The following DSG4 variants were observed in gnomAD, a reference collection of about 807,000 sequenced individuals.
The protein encoded by DSG4 is desmoglein-4.
Under a neutral mutation model 93.1 loss-of-function variants are expected in DSG4, and 87 were observed. That is an observed-to-expected ratio of 0.93 (90% CI 0.79 to 1.12). The LOEUF is 1.12. Ranked by LOEUF, DSG4 falls within the 50% of genes most tolerant of loss-of-function variation. DSG4 has a pLI of 0.00. For missense variants in DSG4, 1,373 were observed against 1,285.7 expected (o/e 1.07, Z -1.04); for synonymous variants, 432 against 452.9 (o/e 0.95, Z 0.59).
rs2072535547 is a variant in DSG4 at position 31,414,503 on chromosome 18, AT to A, written c.*911del. The A allele has an allele frequency of 6.6e-6, 1 of 152,228 alleles. No homozygotes were observed. Among genetic ancestry groups the A allele is most frequent in the Non-Finnish European group, 1.5e-5 (1 of 68,040 alleles). The allele number at this position is 152,228 out of a possible 1,614,324, so 9.4% of individuals were successfully genotyped here. On this transcript the variant is annotated 3_prime_UTR_variant, in exon 16 of 16. Transcript: ENST00000308128. ...TGTAGTTATTCATATATTCTACAAT[AT>A]TTACTTAGAAGCAACTAGGTGTTGG... is the stretch of plus-strand genomic sequence containing the variant.
chr18:31,385,075 T>C, intron 1 of DSG4, 61 bp from the exon 2 acceptor site: 5 of 1,349,194 alleles, frequency 3.7e-6, no homozygotes, highest in African/African-American at 1.4e-5. Flanking sequence ...AATGTTTTTA[T>C]GACATGGCTT....
Position 31,390,822 on chromosome 18 carries a change from G to C in DSG4, c.684G>C (p.Glu228Asp). The change falls in exon 6 of 16, where the codon GAG (glutamate) becomes GAC (aspartate). Residue 228 changes from glutamate (E) to aspartate (D), a missense_variant and splice_region_variant. Physicochemically the swap from Glu to Asp is conservative, Grantham distance 45 (BLOSUM62 2). Coordinates refer to ENST00000308128, the MANE Select transcript of DSG4 (RefSeq NM_177986.5). ...CCATGTCCAGTTTCTTGGACAGAGA[G>C]GTAAAGCCTTCTGTGAATGAACAAG... ...VCTMSSFLDR[E>D]QHSMYNLVVR... is the part of the protein sequence containing the mutation. 6.2e-7 allele frequency: 1 copy of C among 1,613,130 alleles called. No homozygotes were observed. The highest frequency in any genetic ancestry group is 8.5e-7 in the Non-Finnish European group (1 of 1,179,552).
chr18:31,413,247 T>C lies in DSG4; in HGVS notation c.2775T>C (p.Phe925=), dbSNP rs773803147. Residue 925 remains phenylalanine, a synonymous_variant, in exon 16 of 16, where the codon TTT becomes TTC. Transcript: ENST00000308128. ...GTGTGCAACCCACTACAATTATTTT[T>C]GATCCTCAGCTTGCACCCAATGTTG... ...DPCVQPTTII[F]DPQLAPNVVV... 5 of 1,614,198 alleles carry C rather than the reference T, an allele frequency of 3.1e-6. No homozygotes were observed. In the Admixed American group the frequency reaches 8.3e-5, roughly 27 times the overall value.
chr18:31,383,699 C>T (rs2072159257), intron 1 of DSG4, among the ~76,000 whole-genome samples: 1 of 152,214 alleles, frequency 6.6e-6, no homozygotes, highest in East Asian at 1.9e-4. Context: ...CAAGCTGGTT[C>T]TTCTCTCCCA....
chr18:31,411,298 C>T lies in DSG4; in HGVS notation c.2205C>T (p.Asn735=). 11 of 1,612,726 alleles carry T rather than the reference C, an allele frequency of 6.8e-6. No homozygotes were observed. The highest frequency in any genetic ancestry group is 9.3e-6 in the Non-Finnish European group (11 of 1,179,992). ...GAGGTGTATCGGGAGTGGAGCTCAA[C>T]ACAGGTATGGGGACAGCCGTTGGCC... ...VEGGVSGVEL[N]TGMGTAVGLM... The change falls in exon 15 of 16, where the codon AAC becomes AAT. Residue 735 remains asparagine, a synonymous_variant. Transcript: ENST00000308128.
At chr18:31,385,842 G>T (rs2072181289) in intron 2 of DSG4, among the ~76,000 whole-genome samples, 1 of 152,082 alleles carries the variant, frequency 6.6e-6, no homozygotes, top group Non-Finnish European at 1.5e-5. Flanking sequence ...CCCCAAAGTG[G>T]TAATTAAATG....
At position 31,396,389 on chromosome 18, in the gene DSG4, A is replaced by G. The variant is rs1165952640; in HGVS notation, c.1006-2883A>G. 1.2e-4 allele frequency among the ~76,000 whole-genome samples: 14 copies of G among 117,170 alleles called. No homozygotes were observed. In the Admixed American group the frequency reaches 1.5e-3, roughly 12 times the overall value. The allele number at this position is 117,170 out of a possible 152,430, so 76.9% of individuals were successfully genotyped here. A position where few individuals can be genotyped will look rare whatever the true frequency, so the allele number is the denominator to read the frequency against. On this transcript the variant is annotated intron_variant, in intron 8 of 15. Transcript: ENST00000308128. The stretch of plus-strand genomic sequence containing the variant: ...TTTTTTTTTTTTTTTTTTGAGACAG[A>G]GTCTCACTCTGTCACTCAGGCTGGA...
Position 31,399,332 on chromosome 18 carries a change from G to A in DSG4, c.1066G>A (p.Asp356Asn). 1 of 1,614,066 alleles carries A rather than the reference G, an allele frequency of 6.2e-7. No individual in the cohort carries two copies. The highest frequency in any genetic ancestry group is 8.5e-7 in the Non-Finnish European group (1 of 1,179,962). ...QLSIGVKNQA[D>N]FHYSVASQFQ... The stretch of plus-strand genomic sequence containing the variant: ...TAGTATCGGAGTTAAAAACCAAGCT[G>A]ATTTTCACTACTCCGTTGCTTCTCA... Residue 356 changes from aspartate to asparagine, a missense_variant, in exon 9 of 16, where the codon GAT (aspartate) becomes AAT (asparagine). Asp to Asn is a conservative substitution (Grantham distance 23, BLOSUM62 1). Coordinates refer to ENST00000308128, the MANE Select transcript of DSG4 (RefSeq NM_177986.5).
At chr18:31,386,844 CAA>C in intron 3 of DSG4, 25 bp downstream of exon 3, 1 of 1,612,498 alleles carries the variant, frequency 6.2e-7, no homozygotes, top group Admixed American at 1.7e-5. Context: ...AATCTGATGA[CAA>C]ATGCTTTTGC....
Position 31,414,435 on chromosome 18 carries a change from G to A in DSG4, c.*840G>A, listed in dbSNP as rs770059201. ...TTAACCAATTTCATTGACCTGAATC[G>A]TAGAGCTTTCAATTGGCAACCAGAT... On this transcript the variant is annotated 3_prime_UTR_variant, in exon 16 of 16. Transcript: ENST00000308128. 7.9e-5 allele frequency: 12 copies of A among 152,152 alleles called. No individual in the cohort carries two copies. Among genetic ancestry groups the A allele is most frequent in the South Asian group, 2.1e-4 (1 of 4,814 alleles). The allele number at this position is 152,152 out of a possible 1,614,324, so 9.4% of individuals were successfully genotyped here. A position where few individuals can be genotyped will look rare whatever the true frequency, so the allele number is the denominator to read the frequency against.
chr18:31,396,695 A>T (rs1011592196), intron 8 of DSG4, among the ~76,000 whole-genome samples: 1 of 152,140 alleles, frequency 6.6e-6, no homozygotes, highest in Non-Finnish European at 1.5e-5. Flanking sequence ...AAAATTGAAG[A>T]AGACAAATAG....
chr18:31,390,528 A>T, intron 5 of DSG4, 128 bp from the exon 6 acceptor site: 1 of 1,073,472 alleles, frequency 9.3e-7, no homozygotes, highest in South Asian at 1.3e-5. Flanking sequence ...ATGGTACTAT[A>T]TTCCCATGGA....
chr18:31,413,124 T>C lies in DSG4; in HGVS notation c.2652T>C (p.Thr884=), dbSNP rs201614404. The part of the protein sequence containing the change: ...NYFVNESSGL[T]PSEVEFQEEM... Reference sequence around the variant, plus strand: ...TTGTTAATGAATCTTCAGGATTGACTCCCTCAGAAGTTGAATTCCAAGAAG... The same window carrying C: ...TTGTTAATGAATCTTCAGGATTGACCCCCTCAGAAGTTGAATTCCAAGAAG... The change falls in exon 16 of 16, where the codon ACT becomes ACC. Residue 884 remains threonine, a synonymous_variant. Transcript: ENST00000308128. 1.2e-6 allele frequency: 2 copies of C among 1,614,128 alleles called. No homozygotes were observed. The highest frequency in any genetic ancestry group is 3.3e-5 in the Admixed American group (2 of 60,008).
At position 31,398,734 on chromosome 18, in the gene DSG4, A is replaced by C. The variant is rs199938325; in HGVS notation, c.1006-538A>C. On this transcript the variant is annotated intron_variant, in intron 8 of 15. Transcript: ENST00000308128. ...GCCCCATAAAGGAGTCTTCCTGTCC[A>C]CCAGACCCGGCGACTATAATCATCA... 6.6e-5 allele frequency among the ~76,000 whole-genome samples: 10 copies of C among 152,152 alleles called. No homozygotes were observed. The East Asian group carries it at 1.7e-3, about 26-fold the overall frequency.
At chr18:31,403,070 C>T (rs1468626184) in intron 10 of DSG4, among the ~76,000 whole-genome samples, 2 of 151,992 alleles carry the variant, frequency 1.3e-5, no homozygotes, top group Admixed American at 6.6e-5. Context: ...GATTAGAAAC[C>T]AGTAAACCTT....
chr18:31,384,921 T>C (rs568864161), intron 1 of DSG4, among the ~76,000 whole-genome samples: 1 of 152,326 alleles, frequency 6.6e-6, no homozygotes, highest in South Asian at 2.1e-4. Flanking sequence ...TATCCCAACC[T>C]GCTGTAGACT....
intron 4 of DSG4, 70 bp downstream of exon 4, chr18:31,388,592 A>G (rs1419837296): frequency 1.9e-6 from 3 of 1,577,272 alleles, no homozygotes; most frequent in Non-Finnish European, 2.6e-6. Context: ...ATATTATCTT[A>G]AGATAATGGA....
chr18:31,396,931 C>T (rs900934907), intron 8 of DSG4, among the ~76,000 whole-genome samples: 2 of 152,112 alleles, frequency 1.3e-5, no homozygotes, highest in Non-Finnish European at 2.9e-5. Context: ...CTTCCAGACA[C>T]ATTTGTACCA....
chr18:31,408,024 C>T (rs2072446364), intron 12 of DSG4, among the ~76,000 whole-genome samples: 1 of 152,152 alleles, frequency 6.6e-6, no homozygotes, highest in Non-Finnish European at 1.5e-5. Flanking sequence ...TTTCCTGACC[C>T]AGACAAAGAA....
Sources: allele counts gnomAD v4.1 joint callset (sites outside exome capture counted in the v4.1 genomes callset), GRCh38; gene constraint gnomAD v4.1.1; transcripts MANE v1.5; gene names NCBI Gene and HGNC (gene_info 2026-07-23, HGNC 2026-07-21).